The following GRAMD1B variants were observed in gnomAD, a reference collection of about 807,000 sequenced individuals.
The protein encoded by GRAMD1B is GRAM domain containing 1B.
In GRAMD1B, 37 loss-of-function variants were observed where a neutral mutation model predicts 99.7. The observed-to-expected ratio is 0.37, with a 90% CI of 0.29 to 0.49. The LOEUF (loss-of-function observed/expected upper bound fraction) is 0.49, where lower values mean the gene tolerates loss of function less well. GRAMD1B is among the 20% of genes least tolerant of loss of function. The probability of loss-of-function intolerance (pLI) is 0.98; values close to 1 mark genes in which losing one functional copy is unlikely to be tolerated. For synonymous variants in GRAMD1B, 427 were observed against 387.6 expected (o/e 1.10, Z -1.19); for missense variants, 888 against 1,009.2 (o/e 0.88, Z 1.63).
At chr11:123,491,354 T>C (rs1416506675) in intron 2 of GRAMD1B, among the ~76,000 whole-genome samples, 5 of 152,092 alleles carry the variant, frequency 3.3e-5, no homozygotes, top group Admixed American at 1.3e-4. Flanking sequence ...TCTGGCTCCG[T>C]CTACCTGCTT....
chr11:123,622,348 A>T (rs1565483043), intron 19 of GRAMD1B, among the ~76,000 whole-genome samples, 158 bp from the exon 20 acceptor site: 1 of 152,084 alleles, frequency 6.6e-6, no homozygotes, highest in African/African-American at 2.4e-5. Flanking sequence ...TGTTTGAAAC[A>T]GTGTTGAGAA....
chr11:123,394,717 A>G (rs1017907989), intron 1 of GRAMD1B, among the ~76,000 whole-genome samples: 6 of 152,172 alleles, frequency 3.9e-5, no homozygotes, highest in Non-Finnish European at 5.9e-5. Flanking sequence ...ATAACCGAAT[A>G]CCACAGACTA....
intron 1 of GRAMD1B, among the ~76,000 whole-genome samples, chr11:123,411,028 G>T (rs974006389): frequency 6.6e-6 from 1 of 150,516 alleles, no homozygotes; most frequent in South Asian, 2.1e-4. Flanking sequence ...TTTTTAAGAC[G>T]GAGTCTTGCT....
chr11:123,407,146 C>G (rs944823166), intron 1 of GRAMD1B, among the ~76,000 whole-genome samples: 3 of 152,144 alleles, frequency 2.0e-5, no homozygotes, highest in African/African-American at 7.2e-5. Context: ...TCATGGAATG[C>G]TAGCAATACA....
Position 123,430,607 on chromosome 11 carries a change from G to T in GRAMD1B, c.-186G>T. 1 of 472,628 alleles carries T rather than the reference G, an allele frequency of 2.1e-6. No individual in the cohort carries two copies. Among genetic ancestry groups the T allele is most frequent in the Non-Finnish European group, 3.7e-6 (1 of 269,534 alleles). 29.3% of individuals were successfully genotyped at this position (472,628 alleles called of 1,614,324 possible). ...GCGCGCTCCGAAAAGTTAGACTCCG[G>T]GCGGCGGCGCGCTACGCCGCGTCCC... On this transcript the variant is annotated 5_prime_UTR_variant, in exon 1 of 20. Coordinates refer to ENST00000635736, the MANE Select transcript of GRAMD1B (RefSeq NM_001387025.1).
At chr11:123,449,193 C>T (rs538809473) in intron 1 of GRAMD1B, among the ~76,000 whole-genome samples, 1 of 152,316 alleles carries the variant, frequency 6.6e-6, no homozygotes, top group African/African-American at 2.4e-5. Flanking sequence ...AAGCATCCTG[C>T]ACTGGAGTGT....
At chr11:123,384,000 A>G (rs1438723133) in intron 1 of GRAMD1B, among the ~76,000 whole-genome samples, 1 of 151,870 alleles carries the variant, frequency 6.6e-6, no homozygotes, top group Non-Finnish European at 1.5e-5. Context: ...CCTCCTGAAT[A>G]GTTGGGATTA....
intron 2 of GRAMD1B, among the ~76,000 whole-genome samples, chr11:123,569,829 C>G (rs974728623): frequency 1.3e-5 from 2 of 152,224 alleles, no homozygotes; most frequent in African/African-American, 2.4e-5. Flanking sequence ...AGCGTTTACC[C>G]CATGCTACAA....
At chr11:123,358,545 G>C (rs1946032528) in exon 1 of GRAMD1B, 3 of 152,228 alleles carry the variant, frequency 2.0e-5, no homozygotes, top group South Asian at 2.1e-4. Context: ...CCGGCTCCGA[G>C]GGTGCAGCGC....
chr11:123,486,398 A>G (rs920955302), intron 2 of GRAMD1B, among the ~76,000 whole-genome samples: 1 of 152,036 alleles, frequency 6.6e-6, no homozygotes, highest in Non-Finnish European at 1.5e-5. Context: ...AACTACAAAA[A>G]ATTAGCCGGG....
intron 2 of GRAMD1B, among the ~76,000 whole-genome samples, chr11:123,568,012 T>C (rs1214401316): frequency 1.3e-5 from 2 of 152,258 alleles, no homozygotes; most frequent in Non-Finnish European, 2.9e-5. Flanking sequence ...AGGAGATCCC[T>C]AATGAGACTA....
chr11:123,389,475 G>C (rs1057075140), intron 1 of GRAMD1B, among the ~76,000 whole-genome samples: 1 of 151,958 alleles, frequency 6.6e-6, no homozygotes, highest in Admixed American at 6.6e-5. Context: ...AATAAGGAAA[G>C]TCTAAGAAAC....
chr11:123,361,782 G>C (rs370729883), intron 1 of GRAMD1B, among the ~76,000 whole-genome samples: 1 of 152,182 alleles, frequency 6.6e-6, no homozygotes, highest in East Asian at 1.9e-4. Context: ...TACCTGGTGG[G>C]TCTGCATTGC....
intron 1 of GRAMD1B, among the ~76,000 whole-genome samples, chr11:123,378,446 T>TCTGAAGTCCAGTGCACA (rs1438328158): frequency 6.6e-6 from 1 of 152,232 alleles, no homozygotes; most frequent in East Asian, 1.9e-4. Context: ...TCTAAGGCTT[T>TCTGAAGTCCAGTGCACA]TATCAAATAT....
chr11:123,410,792 T>A (rs1331993664), intron 1 of GRAMD1B, among the ~76,000 whole-genome samples: 1 of 152,130 alleles, frequency 6.6e-6, no homozygotes, highest in East Asian at 1.9e-4. Context: ...AGTGTGTCAT[T>A]AGAAGACATG....
At position 123,603,537 on chromosome 11, in the gene GRAMD1B, A is replaced by G. The variant is rs752857335; in HGVS notation, c.1162A>G (p.Met388Val). 82 of 1,598,746 alleles carry G rather than the reference A, an allele frequency of 5.1e-5. No individual in the cohort carries two copies. Among genetic ancestry groups the G allele is most frequent in the Admixed American group, 1.5e-4 (9 of 59,978 alleles). Residue 388 changes from methionine (M) to valine (V), a missense_variant, in exon 9 of 20, where the codon ATG (methionine) becomes GTG (valine). Around this residue, in one of 5 missense-constraint regions of GRAMD1B, gnomAD observed 269 missense variants for 296.6 expected, o/e 0.91. Coordinates refer to ENST00000635736, the MANE Select transcript of GRAMD1B (RefSeq NM_001387025.1). ...YVPPDDDFNT[M>V]GYCEEIPVEE... ...GCCCCCTGACGACGACTTCAACACA[A>G]TGGGGTGAGTGAGGCCAAGGGCGGC...
chr11:123,474,955 G>A (rs1951193593), intron 1 of GRAMD1B, among the ~76,000 whole-genome samples: 1 of 152,116 alleles, frequency 6.6e-6, no homozygotes, highest in African/African-American at 2.4e-5. Context: ...GGGACCACCT[G>A]AATCTCTCAG....
chr11:123,516,767 C>G (rs989714615), intron 2 of GRAMD1B, among the ~76,000 whole-genome samples: 12 of 152,126 alleles, frequency 7.9e-5, no homozygotes. Context: ...GACTTGTTGC[C>G]TTATATTTTA....
intron 2 of GRAMD1B, among the ~76,000 whole-genome samples, chr11:123,568,640 C>T (rs1378957472): frequency 6.6e-6 from 1 of 152,202 alleles, no homozygotes. Flanking sequence ...GCTTGGGAGC[C>T]CTTTCCCTTT....
Sources: gnomAD v4.1 joint callset for allele counts (sites outside exome capture counted in the v4.1 genomes callset) on GRCh38, gnomAD v4.1.1 for gene constraint, gnomAD v4.1.1 regional missense constraint, MANE v1.5 for transcripts, NCBI Gene and HGNC (gene_info 2026-07-23, HGNC 2026-07-21) for gene names.